ATP8A2: variants seen among roughly 807,000 people sequenced by gnomAD.
ATP8A2 encodes ATPase phospholipid transporting 8A2, also known as phospholipid-transporting ATPase IB.
In ATP8A2, 100 loss-of-function variants were observed where a neutral mutation model predicts 165.6. That is an observed-to-expected ratio of 0.60 (90% CI 0.51 to 0.71). The LOEUF (loss-of-function observed/expected upper bound fraction) is 0.71. Among genes scored for constraint, ATP8A2 ranks in the 30% least tolerant of loss-of-function variants. ATP8A2 has a pLI of 0.00. For missense variants in ATP8A2, 1,227 were observed against 1,479.5 expected (o/e 0.83, Z 2.80); for synonymous variants, 543 against 548.8 (o/e 0.99, Z 0.15).
At chr13:25,818,565 G>A (rs1210336618) in intron 27 of ATP8A2, among the ~76,000 whole-genome samples, 1 of 152,114 alleles carries the variant, frequency 6.6e-6, no homozygotes, top group African/African-American at 2.4e-5. Flanking sequence ...CTTTTGTTAG[G>A]ATTGTTAAGA....
chr13:25,905,072 T>TA (rs1953892524), intron 33 of ATP8A2, among the ~76,000 whole-genome samples: 2 of 152,024 alleles, frequency 1.3e-5, no homozygotes, highest in East Asian at 3.9e-4. Context: ...CCTGGGCCCT[T>TA]GGTCCTGAAG....
At chr13:25,545,064 C>T (rs951214356) in intron 10 of ATP8A2, among the ~76,000 whole-genome samples, 3 of 151,756 alleles carry the variant, frequency 2.0e-5, no homozygotes, top group Non-Finnish European at 4.4e-5. Flanking sequence ...TCAAGGGAGG[C>T]GTGTCCTTGA....
intron 1 of ATP8A2, among the ~76,000 whole-genome samples, chr13:25,421,165 A>G (rs929756747): frequency 6.6e-6 from 1 of 152,244 alleles, no homozygotes; most frequent in African/African-American, 2.4e-5. Context: ...CATTTCGCAT[A>G]GAGTATTCCC....
chr13:25,717,418 T>TA (rs55732375), intron 25 of ATP8A2, among the ~76,000 whole-genome samples: 1,408 of 95,006 alleles, frequency 0.015, 17 homozygotes, highest in South Asian at 0.043. Context: ...CTGAAAAAAC[T>TA]AAAAAAAAAA....
intron 24 of ATP8A2, among the ~76,000 whole-genome samples, chr13:25,670,597 C>T (rs576133185): frequency 1.3e-5 from 2 of 152,276 alleles, no homozygotes; most frequent in African/African-American, 4.8e-5. Context: ...GGCTGGCACA[C>T]CTGTATAGCT....
intron 35 of ATP8A2, among the ~76,000 whole-genome samples, chr13:26,009,149 A>C (rs1956795218): frequency 6.6e-6 from 1 of 152,196 alleles, no homozygotes; most frequent in Admixed American, 6.5e-5. Flanking sequence ...ATCTGAAGTA[A>C]TCATAGTTAG....
At chr13:25,810,591 A>AAATTG (rs1237869951) in intron 27 of ATP8A2, among the ~76,000 whole-genome samples, 3 of 152,174 alleles carry the variant, frequency 2.0e-5, no homozygotes, top group Non-Finnish European at 4.4e-5. Flanking sequence ...TAATAAAAAT[A>AAATTG]AATTGAATTA....
intron 27 of ATP8A2, among the ~76,000 whole-genome samples, chr13:25,791,103 C>T (rs1026880073): frequency 5.9e-5 from 9 of 152,080 alleles, no homozygotes; most frequent in Admixed American, 5.9e-4. Flanking sequence ...CATTGCAGCA[C>T]AATTCACAAT....
chr13:25,751,316 G>A (rs1263340173), intron 25 of ATP8A2, among the ~76,000 whole-genome samples: 4 of 152,150 alleles, frequency 2.6e-5, no homozygotes, highest in Non-Finnish European at 5.9e-5. Context: ...CAAATACCTT[G>A]TACTTGGAAA....
At chr13:25,681,056 C>T (rs1218415780) in intron 24 of ATP8A2, among the ~76,000 whole-genome samples, 1 of 152,154 alleles carries the variant, frequency 6.6e-6, no homozygotes, top group Non-Finnish European at 1.5e-5. Flanking sequence ...GTGACTAATT[C>T]CTTTTGCAAG....
intron 36 of ATP8A2, among the ~76,000 whole-genome samples, chr13:26,017,071 G>A (rs4770900): frequency 0.21 from 32,556 of 152,182 alleles, 4,168 homozygotes; most frequent in Non-Finnish European, 0.3. Context: ...GAAAACAAGC[G>A]AGTGGAGAAA....
chr13:25,724,766 G>T (rs898476744), intron 25 of ATP8A2, among the ~76,000 whole-genome samples: 5 of 152,136 alleles, frequency 3.3e-5, no homozygotes, highest in Non-Finnish European at 5.9e-5. Context: ...AGAAAATGAG[G>T]TATCTGTTTT....
chr13:25,563,420 A>T (rs188666446), intron 15 of ATP8A2, among the ~76,000 whole-genome samples: 1 of 151,378 alleles, frequency 6.6e-6, no homozygotes, highest in East Asian at 1.9e-4. Flanking sequence ...AAAAAAAAAA[A>T]TTTCAGGAGG....
intron 2 of ATP8A2, among the ~76,000 whole-genome samples, chr13:25,518,198 T>C (rs2037540825): frequency 6.6e-6 from 1 of 152,248 alleles, no homozygotes; most frequent in Non-Finnish European, 1.5e-5. Context: ...TTTAGTGTTA[T>C]CATCTTGTCC....
At chr13:25,377,129 C>T (rs567311784) in intron 1 of ATP8A2, among the ~76,000 whole-genome samples, 1 of 152,290 alleles carries the variant, frequency 6.6e-6, no homozygotes, top group South Asian at 2.1e-4. Flanking sequence ...CAGTTATTTT[C>T]GAAAAAGTTT....
At chr13:25,839,797 G>C (rs145278546) in intron 30 of ATP8A2, among the ~76,000 whole-genome samples, 173 bp downstream of exon 30, 4 of 152,128 alleles carry the variant, frequency 2.6e-5, no homozygotes, top group Non-Finnish European at 4.4e-5. Context: ...ATAGCTGTTA[G>C]GTTTCATCAG....
intron 16 of ATP8A2, among the ~76,000 whole-genome samples, chr13:25,566,604 T>C (rs1312200044): frequency 6.6e-6 from 1 of 152,146 alleles, no homozygotes; most frequent in South Asian, 2.1e-4. Context: ...CTTTCCTAGA[T>C]CAACGAGGAG....
rs760452995 is a variant in ATP8A2 at position 25,553,911 on chromosome 13, C to G, written c.1176C>G (p.Phe392Leu). 5 of 1,613,150 alleles carry G rather than the reference C, an allele frequency of 3.1e-6. No homozygotes were observed. The highest frequency in any genetic ancestry group is 4.2e-6 in the Non-Finnish European group (5 of 1,179,538). The change falls in exon 12 of 37, where the codon TTC becomes TTG. Residue 392 changes from phenylalanine (F) to leucine (L), a missense_variant. Transcript: ENST00000381655. ...TTGTGAAGTATACTCAAGCCCTTTT[C>G]ATAAACTGGGTGAGTATTAAAGCAG... ...LEVVKYTQAL[F>L]INWDTDMYYI...
intron 24 of ATP8A2, among the ~76,000 whole-genome samples, chr13:25,684,216 G>T (rs1178525251): frequency 6.6e-6 from 1 of 152,228 alleles, no homozygotes; most frequent in Admixed American, 6.5e-5. Flanking sequence ...CAGGTTTACT[G>T]TGTGAACAGT....
Sources: allele counts gnomAD v4.1 joint callset (sites outside exome capture counted in the v4.1 genomes callset), GRCh38; gene constraint gnomAD v4.1.1; transcripts MANE v1.5; gene names NCBI Gene and HGNC (gene_info 2026-07-23, HGNC 2026-07-21).